Variants in SELENOS observed in about 807,000 individuals in gnomAD.
SELENOS encodes VCP interacting membrane selenoprotein.
In SELENOS, 37 loss-of-function variants were observed where a neutral mutation model predicts 30.2. That is an observed-to-expected ratio of 1.23 (90% CI 0.94 to 1.61). SELENOS has a LOEUF of 1.61. Among genes scored for constraint, SELENOS ranks in the 40% most tolerant of loss-of-function variants. The pLI, the probability that SELENOS is intolerant of heterozygous loss-of-function variation, is 0.00. For synonymous variants in SELENOS, 119 were observed against 91.6 expected, an observed-to-expected ratio of 1.30 and a Z score of -1.71; for missense variants, 289 against 231.8, an observed-to-expected ratio of 1.25 and a Z score of -1.60.
In SELENOS at chr15:101,277,465, G is replaced by A. The variant is rs2039345724; in HGVS notation, c.-48C>T. ...CAGCCCTGCCGCCGCGCCTCCAGCC[G>A]GGCGCTTCCGGTGCGCTCCTACGCA... On this transcript the variant is annotated 5_prime_UTR_variant, in exon 1 of 6. Transcript: ENST00000526049. The A allele has an allele frequency of 6.4e-6, 9 of 1,400,304 alleles. No individual in the cohort carries two copies. Among genetic ancestry groups the A allele is most frequent in the Non-Finnish European group, 8.3e-6 (9 of 1,087,612 alleles). 86.7% of individuals were successfully genotyped at this position (1,400,304 alleles called of 1,614,324 possible).
chr15:101,276,420 T>C, intron 2 of SELENOS, 121 bp downstream of exon 2: 1 of 1,330,596 alleles, frequency 7.5e-7, no homozygotes, highest in Non-Finnish European at 9.9e-7. Flanking sequence ...GGCTATTTTT[T>C]TTTTTTTTAA....
chr15:101,274,270 AT>A (rs1444455210), intron 5 of SELENOS, 149 bp downstream of exon 5: 2 of 878,046 alleles, frequency 2.3e-6, no homozygotes, highest in East Asian at 5.3e-5. Context: ...CTAGGAGGTG[AT>A]TTGCATCTGT....
In SELENOS at chr15:101,277,454, C is replaced by CCGCCGCCCAGCCCT; in HGVS notation, c.-38_-37insAGGGCTGGGCGGCG. ...CCGCCGCCGCCCAGCCCTGCCGCCG[C>CCGCCGCCCAGCCCT]GCCTCCAGCCGGGCGCTTCCGGTGC... On this transcript the variant is annotated 5_prime_UTR_variant, in exon 1 of 6. Transcript: ENST00000526049. The CCGCCGCCCAGCCCT allele has an allele frequency of 1.4e-6, 2 of 1,411,814 alleles. No homozygotes were observed. The highest frequency in any genetic ancestry group is 3.4e-5 in the Admixed American group (1 of 29,786). The allele number at this position is 1,411,814 out of a possible 1,614,324, so 87.5% of individuals were successfully genotyped here.
chr15:101,276,055 T>C, intron 2 of SELENOS, among the ~76,000 whole-genome samples: 1 of 151,130 alleles, frequency 6.6e-6, no homozygotes, highest in Non-Finnish European at 1.5e-5. Context: ...CCCTAATAGC[T>C]GGGATTACAG....
In SELENOS at chr15:101,277,381, C is replaced by T. The variant is rs2039341567; in HGVS notation, c.37G>A (p.Ala13Thr). ...AAGCGCAGCCCCTCGGTCTCCAGGG[C>T]CGGCCGCGCGGACAGAGACTCCTCT... ...RQEESLSARP[A>T]LETEGLRFLH... The change falls in exon 1 of 6, where the codon GCC becomes ACC. Residue 13 changes from alanine (A) to threonine (T), a missense_variant. Physicochemically the swap from Ala to Thr is moderately conservative, Grantham distance 58. Coordinates refer to ENST00000526049, the MANE Select transcript of SELENOS (RefSeq NM_018445.6). 4 of 1,506,688 alleles carry T rather than the reference C, an allele frequency of 2.7e-6. No homozygotes were observed. Among genetic ancestry groups the T allele is most frequent in the Non-Finnish European group, 3.5e-6 (4 of 1,135,336 alleles). The allele number at this position is 1,506,688 out of a possible 1,614,324, so 93.3% of individuals were successfully genotyped here. A position where few individuals can be genotyped will look rare whatever the true frequency, so the allele number is the denominator to read the frequency against.
At chr15:101,276,862 G>C in intron 1 of SELENOS, 187 bp from the exon 2 acceptor site, 4 of 657,028 alleles carry the variant, frequency 6.1e-6, no homozygotes, top group Non-Finnish European at 7.5e-6. Context: ...GGATCACTGA[G>C]AAGTGAGACT....
At chr15:101,277,093 G>T (rs568566520) in intron 1 of SELENOS, 2 of 715,214 alleles carry the variant, frequency 2.8e-6, no homozygotes, top group Non-Finnish European at 4.8e-6. Context: ...AACTACCACA[G>T]GAAGGGCTTG....
At chr15:101,271,937 T>C (rs529115353), downstream of SELENOS, among the ~76,000 whole-genome samples, 14 of 152,358 alleles carry the variant, frequency 9.2e-5, no homozygotes, top group African/African-American at 2.4e-4. Flanking sequence ...ATAGTGCCTC[T>C]GGACAAGAGC....
Position 101,275,273 on chromosome 15 carries a change from A to G in SELENOS, c.300T>C (p.His100=). The change falls in exon 3 of 6, where the codon CAT becomes CAC. Residue 100 remains histidine (H), a synonymous_variant. Transcript: ENST00000526049. ...TTCATACTTGTTTCAGTTTTTCCTTATGCTTTTCAACTTGCGCATTTAGTT... is the reference window on the plus strand; with the variant it reads ...TTCATACTTGTTTCAGTTTTTCCTTGTGCTTTTCAACTTGCGCATTTAGTT... The part of the protein sequence containing the change: ...QEELNAQVEK[H]KEKLKQLEEE... The G allele has an allele frequency of 1.9e-6, 3 of 1,562,474 alleles. No individual in the cohort carries two copies. Among genetic ancestry groups the G allele is most frequent in the Non-Finnish European group, 2.6e-6 (3 of 1,153,430 alleles).
chr15:101,276,630 C>A lies in SELENOS; in HGVS notation c.122G>T (p.Cys41Phe). Residue 41 changes from cysteine (C) to phenylalanine (F), a missense_variant, in exon 2 of 6, where the codon TGC becomes TTC. Transcript: ENST00000526049. The part of the protein sequence containing the change: ...ATYGWYIVFS[C>F]ILLYVVFQKL... ...CTGAAAGACCACGTAGAGAAGGATG[C>A]AGCTGAAGACGATGTACCAGCCATA... The A allele has an allele frequency of 1.2e-6, 2 of 1,613,670 alleles. No individual in the cohort carries two copies. Among genetic ancestry groups the A allele is most frequent in the Non-Finnish European group, 1.7e-6 (2 of 1,179,816 alleles).
At position 101,277,200 on chromosome 15, in the gene SELENOS, C is replaced by T. The variant is rs1052960929; in HGVS notation, c.76+142G>A. ...CCGCGCAAGGTCCGGGCCTGCTGCC[C>T]AAGGTCCGCGTAAGCGCCAACGCCC... On this transcript the variant is annotated intron_variant, in intron 1 of 5. Transcript: ENST00000526049. 2.9e-6 allele frequency: 4 copies of T among 1,389,964 alleles called. No homozygotes were observed. The South Asian group carries it at 3.7e-5, about 13-fold the overall frequency. The allele number at this position is 1,389,964 out of a possible 1,614,324, so 86.1% of individuals were successfully genotyped here. A position where few individuals can be genotyped will look rare whatever the true frequency, so the allele number is the denominator to read the frequency against.
At position 101,277,424 on chromosome 15, in the gene SELENOS, CGCCGCCGCCGCCGCCCAGCCCT is replaced by C. The variant is rs1364490484; in HGVS notation, c.-29_-8del. 2.0e-6 allele frequency: 3 copies of C among 1,463,470 alleles called. No homozygotes were observed. The highest frequency in any genetic ancestry group is 2.5e-5 in the Admixed American group (1 of 39,630). The allele number at this position is 1,463,470 out of a possible 1,614,324, so 90.7% of individuals were successfully genotyped here. The stretch of plus-strand genomic sequence containing the variant: ...ACTCCTCTTGGCGTTCCATGACCGC[CGCCGCCGCCGCCGCCCAGCCCT>C]GCCGCCGCGCCTCCAGCCGGGCGCT... On this transcript the variant is annotated 5_prime_UTR_variant, in exon 1 of 6. Coordinates refer to ENST00000526049, the MANE Select transcript of SELENOS (RefSeq NM_018445.6).
intron 1 of SELENOS, 156 bp downstream of exon 1, chr15:101,277,186 C>G: frequency 3.1e-6 from 4 of 1,282,414 alleles, no homozygotes; most frequent in Non-Finnish European, 3.3e-6. Context: ...CGCGCAAGGT[C>G]CGGGCCTGCT....
chr15:101,274,811 TA>T, intron 3 of SELENOS, 130 bp from the exon 4 acceptor site: 1 of 1,013,978 alleles, frequency 9.9e-7, no homozygotes, highest in East Asian at 2.6e-5. Context: ...CTTTAGTTAA[TA>T]AAACTGTTGT....
intron 2 of SELENOS, among the ~76,000 whole-genome samples, chr15:101,276,205 G>C (rs1006267046): frequency 3.3e-4 from 31 of 92,548 alleles, no homozygotes; most frequent in African/African-American, 1.3e-3. Context: ...TTACAGGTGT[G>C]AGCCACCGCG....
At chr15:101,271,580 G>A (rs2039268418), downstream of SELENOS, 1 of 152,252 alleles carries the variant, frequency 6.6e-6, no homozygotes, top group South Asian at 2.1e-4. Context: ...CTCCTCAAGA[G>A]ATTTTAAGTC....
At chr15:101,272,974 C>A in intron 5 of SELENOS, 118 bp from the exon 6 acceptor site, 1 of 827,682 alleles carries the variant, frequency 1.2e-6, no homozygotes, top group Non-Finnish European at 1.9e-6. Context: ...GATACAGATC[C>A]TAAGGGACAT....
At chr15:101,273,144 T>A (rs1268242961) in intron 5 of SELENOS, among the ~76,000 whole-genome samples, 1 of 152,182 alleles carries the variant, frequency 6.6e-6, no homozygotes, top group African/African-American at 2.4e-5. Flanking sequence ...CAAGAGGGCC[T>A]GATTTAAGTA....
chr15:101,277,427 C>CGCCGCCGCCGCCCAGCCCT lies in SELENOS; in HGVS notation c.-29_-11dup, dbSNP rs1179209771. The CGCCGCCGCCGCCCAGCCCT allele has an allele frequency of 4.8e-5, 70 of 1,464,114 alleles. No homozygotes were observed. Among genetic ancestry groups the CGCCGCCGCCGCCCAGCCCT allele is most frequent in the African/African-American group, 2.9e-4 (20 of 67,892 alleles). 90.7% of individuals were successfully genotyped at this position (1,464,114 alleles called of 1,614,324 possible). On this transcript the variant is annotated 5_prime_UTR_variant, in exon 1 of 6. Coordinates refer to ENST00000526049, the MANE Select transcript of SELENOS (RefSeq NM_018445.6). ...CCTCTTGGCGTTCCATGACCGCCGC[C>CGCCGCCGCCGCCCAGCCCT]GCCGCCGCCGCCCAGCCCTGCCGCC...
Sources: gnomAD v4.1 joint callset for allele counts (sites outside exome capture counted in the v4.1 genomes callset) on GRCh38, gnomAD v4.1.1 for gene constraint, MANE v1.5 for transcripts, NCBI Gene and HGNC (gene_info 2026-07-23, HGNC 2026-07-21) for gene names.